Variants in TMEM132D observed in about 807,000 individuals in gnomAD.
TMEM132D encodes the protein mature OL transmembrane protein.
Under a neutral mutation model 62.3 loss-of-function variants are expected in TMEM132D, and 21 were observed. The observed-to-expected ratio is 0.34, with a 90% CI of 0.24 to 0.49. The LOEUF is 0.49. TMEM132D is among the 20% of genes least tolerant of loss of function. The pLI is 0.99. For synonymous variants in TMEM132D, 621 were observed against 575.6 expected (o/e 1.08, Z -1.13); for missense variants, 1,346 against 1,402.8 (o/e 0.96, Z 0.65).
chr12:129,455,254 C>T (rs1164949499), intron 3 of TMEM132D, among the ~76,000 whole-genome samples: 1 of 152,224 alleles, frequency 6.6e-6, no homozygotes, highest in Admixed American at 6.5e-5. Context: ...ATGAGCAGAG[C>T]TCTGGAGGTA....
At chr12:129,839,316 C>T (rs1216387051) in intron 1 of TMEM132D, among the ~76,000 whole-genome samples, 1 of 151,076 alleles carries the variant, frequency 6.6e-6, no homozygotes, top group Non-Finnish European at 1.5e-5. Context: ...TTAGTAAAAA[C>T]GGGGTTTCAC....
chr12:129,548,002 C>G (rs1326645520), intron 2 of TMEM132D, among the ~76,000 whole-genome samples: 1 of 152,128 alleles, frequency 6.6e-6, no homozygotes, highest in Non-Finnish European at 1.5e-5. Flanking sequence ...TATTTCCCGT[C>G]TCTTCATAGG....
chr12:129,285,784 G>A (rs1016706127), intron 4 of TMEM132D, among the ~76,000 whole-genome samples: 1 of 151,670 alleles, frequency 6.6e-6, no homozygotes, highest in Non-Finnish European at 1.5e-5. Flanking sequence ...CTCCATCACT[G>A]TAAAACATGT....
chr12:129,095,503 C>G (rs1168813918), intron 5 of TMEM132D, among the ~76,000 whole-genome samples: 4 of 152,136 alleles, frequency 2.6e-5, no homozygotes, highest in Non-Finnish European at 5.9e-5. Context: ...AGGTGAGCAT[C>G]ACCACAACCG....
intron 2 of TMEM132D, among the ~76,000 whole-genome samples, chr12:129,602,918 A>G (rs1300745901): frequency 6.6e-6 from 1 of 152,176 alleles, no homozygotes; most frequent in Non-Finnish European, 1.5e-5. Context: ...GGTGCTGAGC[A>G]AAAGGGTTGG....
At chr12:129,134,925 G>A (rs1456874885) in intron 5 of TMEM132D, among the ~76,000 whole-genome samples, 3 of 152,238 alleles carry the variant, frequency 2.0e-5, no homozygotes, top group Non-Finnish European at 4.4e-5. Flanking sequence ...CAGCATCAGT[G>A]ACTGGTCTAA....
chr12:129,201,235 A>AT (rs999152100), intron 5 of TMEM132D, among the ~76,000 whole-genome samples: 2 of 152,060 alleles, frequency 1.3e-5, no homozygotes, highest in African/African-American at 4.8e-5. Context: ...ACCTCAGCAA[A>AT]TTTTTCAGGA....
At chr12:129,546,420 T>C (rs527251365) in intron 2 of TMEM132D, among the ~76,000 whole-genome samples, 2 of 152,276 alleles carry the variant, frequency 1.3e-5, no homozygotes, top group Middle Eastern at 6.8e-3. Flanking sequence ...CCATTTCAAA[T>C]AGGCAGCTCC....
At chr12:129,332,800 A>G (rs1279085027) in intron 4 of TMEM132D, among the ~76,000 whole-genome samples, 1 of 152,292 alleles carries the variant, frequency 6.6e-6, no homozygotes, top group East Asian at 1.9e-4. Context: ...GCAATATGTC[A>G]ATGGAAAAGT....
At chr12:129,251,975 C>T (rs1337433702) in intron 4 of TMEM132D, among the ~76,000 whole-genome samples, 2 of 152,042 alleles carry the variant, frequency 1.3e-5, no homozygotes, top group African/African-American at 4.8e-5. Flanking sequence ...ACTGGAACAC[C>T]CACCCTATAC....
intron 2 of TMEM132D, among the ~76,000 whole-genome samples, chr12:129,661,262 T>G (rs1049676105): frequency 7.2e-5 from 11 of 152,100 alleles, no homozygotes; most frequent in African/African-American, 2.2e-4. Context: ...CATACTGGAG[T>G]GGCGATCTCA....
chr12:129,807,263 G>A (rs1482777273), intron 1 of TMEM132D, among the ~76,000 whole-genome samples: 2 of 152,084 alleles, frequency 1.3e-5, no homozygotes, highest in South Asian at 2.1e-4. Flanking sequence ...GAGTCCACCC[G>A]CATTCTCCCC....
At chr12:129,321,078 C>T (rs1409313571) in intron 4 of TMEM132D, among the ~76,000 whole-genome samples, 4 of 152,018 alleles carry the variant, frequency 2.6e-5, no homozygotes, top group Non-Finnish European at 5.9e-5. Flanking sequence ...CCATACTTTA[C>T]CCACATATTT....
At chr12:129,848,882 G>T (rs2137350754) in intron 1 of TMEM132D, among the ~76,000 whole-genome samples, 1 of 152,248 alleles carries the variant, frequency 6.6e-6, no homozygotes, top group East Asian at 1.9e-4. Flanking sequence ...ACCACTATCT[G>T]TCCTACTCAT....
rs2137228023 is a variant in TMEM132D, at chr12:129,700,672, T to C, written c.106A>G (p.Ser36Gly). The C allele has an allele frequency of 1.2e-6, 2 of 1,612,456 alleles. No individual in the cohort carries two copies. Among genetic ancestry groups the C allele is most frequent in the South Asian group, 1.1e-5 (1 of 90,956 alleles). ...GGCAGCAAGGAAAACCTCTGGATGCTCTCAAGGATCCCTCGACCTTCCGTC... is the reference window on the plus strand; with the variant it reads ...GGCAGCAAGGAAAACCTCTGGATGCCCTCAAGGATCCCTCGACCTTCCGTC... ...KVTEGRGILE[S>G]IQRFSLLPTY... Residue 36 changes from serine (S) to glycine (G), a missense_variant, in exon 2 of 9, where the codon AGC (serine) becomes GGC (glycine). Physicochemically the swap from Ser to Gly is moderately conservative, Grantham distance 56. Transcript: ENST00000422113.
chr12:129,404,392 T>C (rs1479741577), intron 3 of TMEM132D, among the ~76,000 whole-genome samples: 3 of 152,158 alleles, frequency 2.0e-5, no homozygotes, highest in Admixed American at 2.0e-4. Flanking sequence ...AGATGGGGTT[T>C]CGCCATAATG....
At chr12:129,083,208 G>A (rs1874509121) in intron 6 of TMEM132D, among the ~76,000 whole-genome samples, 1 of 152,220 alleles carries the variant, frequency 6.6e-6, no homozygotes, top group South Asian at 2.1e-4. Flanking sequence ...GGCCAAATGT[G>A]ATAAGAAAGG....
At chr12:129,596,978 C>T (rs1010238292) in intron 2 of TMEM132D, among the ~76,000 whole-genome samples, 18 of 152,146 alleles carry the variant, frequency 1.2e-4, no homozygotes, top group African/African-American at 3.1e-4. Context: ...TGCACCTACA[C>T]GTTCTAAATG....
intron 3 of TMEM132D, among the ~76,000 whole-genome samples, chr12:129,386,203 C>T (rs1161644846): frequency 6.6e-6 from 1 of 152,186 alleles, no homozygotes; most frequent in African/African-American, 2.4e-5. Flanking sequence ...AAACTGTTAT[C>T]AGTTACTAAA....
Sources: gnomAD v4.1 joint callset for allele counts (sites outside exome capture counted in the v4.1 genomes callset) on GRCh38, gnomAD v4.1.1 for gene constraint, MANE v1.5 for transcripts, NCBI Gene and HGNC (gene_info 2026-07-23, HGNC 2026-07-21) for gene names.